Variants in TBK1 observed in about 807,000 individuals in gnomAD.
The protein encoded by TBK1 is TANK binding kinase 1, also known as serine/threonine-protein kinase TBK1.
Under a neutral mutation model 99.9 loss-of-function variants are expected in TBK1, and 37 were observed. The observed-to-expected ratio is 0.37, with a 90% CI of 0.28 to 0.49. The LOEUF is 0.49. Among genes scored for constraint, TBK1 ranks in the 20% least tolerant of loss-of-function variants. The pLI is 0.98. For synonymous variants in TBK1, 258 were observed against 279.8 expected (o/e 0.92, Z 0.78); for missense variants, 644 against 872.5 (o/e 0.74, Z 3.30).
intron 3 of TBK1, among the ~76,000 whole-genome samples, chr12:64,461,747 G>A (rs755524316): frequency 6.6e-6 from 1 of 152,172 alleles, no homozygotes; most frequent in Non-Finnish European, 1.5e-5. Flanking sequence ...TACAAATGTG[G>A]GGGTTGCCCA....
In TBK1 at chr12:64,455,841, A is replaced by AT; in HGVS notation, c.-29dup. On this transcript the variant is annotated splice_region_variant and 5_prime_UTR_variant, in exon 2 of 21. Transcript: ENST00000331710. ...TTGCAAATTTTTTTTTTCTCTTAGT[A>AT]TAACAAGAGGATTGCCTGATCCAGC... 1 of 1,571,078 alleles carries AT rather than the reference A, an allele frequency of 6.4e-7. No homozygotes were observed. Among genetic ancestry groups the AT allele is most frequent in the South Asian group, 1.2e-5 (1 of 85,324 alleles).
chr12:64,481,252 C>T (rs1392788829), intron 7 of TBK1, among the ~76,000 whole-genome samples: 1 of 151,882 alleles, frequency 6.6e-6, no homozygotes, highest in Non-Finnish European at 1.5e-5. Context: ...ATTATATTGC[C>T]AAAACTCAGA....
chr12:64,495,663 T>C, intron 14 of TBK1, 36 bp from the exon 15 acceptor site: 1 of 1,612,474 alleles, frequency 6.2e-7, no homozygotes, highest in Non-Finnish European at 8.5e-7. Context: ...TCACATTGAC[T>C]CAGTTAATTT....
intron 13 of TBK1, among the ~76,000 whole-genome samples, chr12:64,493,946 T>C (rs1165615920): frequency 6.6e-6 from 1 of 152,260 alleles, no homozygotes; most frequent in Non-Finnish European, 1.5e-5. Context: ...AACACCATTT[T>C]CTTAATGATA....
In TBK1 at chr12:64,498,177, A is replaced by T. The variant is rs542730018; in HGVS notation, c.2138+138A>T. 54 of 684,468 alleles carry T rather than the reference A, an allele frequency of 7.9e-5. No individual in the cohort carries two copies. In the East Asian group the frequency reaches 1.4e-3, roughly 18 times the overall value. The allele number at this position is 684,468 out of a possible 1,614,324, so 42.4% of individuals were successfully genotyped here. A position where few individuals can be genotyped will look rare whatever the true frequency, so the allele number is the denominator to read the frequency against. On this transcript the variant is annotated intron_variant, in intron 20 of 20. Transcript: ENST00000331710. ...CAGAACTCATGTTTTTCTCTCTATG[A>T]TTGTGTATCTGTGATGCCTTTTAAT... is the stretch of plus-strand genomic sequence containing the variant.
chr12:64,477,318 G>C (rs1340334508), intron 6 of TBK1, among the ~76,000 whole-genome samples: 1 of 152,124 alleles, frequency 6.6e-6, no homozygotes, highest in East Asian at 1.9e-4. Context: ...TTTTCCATTT[G>C]TTGTGTCATT....
chr12:64,466,373 T>G (rs1309039190), intron 4 of TBK1, among the ~76,000 whole-genome samples: 1 of 152,164 alleles, frequency 6.6e-6, no homozygotes, highest in Admixed American at 6.5e-5. Flanking sequence ...AAATGGGCTT[T>G]TTGGAATAGT....
intron 15 of TBK1, 132 bp downstream of exon 15, chr12:64,495,907 G>T: frequency 1.8e-6 from 1 of 558,672 alleles, no homozygotes; most frequent in Non-Finnish European, 2.9e-6. Context: ...GATTCTGTCA[G>T]GAAAAAGGTT....
At chr12:64,469,921 G>A (rs1404148167) in intron 5 of TBK1, among the ~76,000 whole-genome samples, 1 of 152,086 alleles carries the variant, frequency 6.6e-6, no homozygotes, top group Non-Finnish European at 1.5e-5. Flanking sequence ...TGAATGCTCA[G>A]GACACTACTG....
chr12:64,495,897 G>T, intron 15 of TBK1, 122 bp downstream of exon 15: 5 of 562,098 alleles, frequency 8.9e-6, no homozygotes, highest in Non-Finnish European at 1.1e-5. Flanking sequence ...TCAGAGATGT[G>T]ATTCTGTCAG....
In TBK1 at chr12:64,467,043, T is replaced by G. The variant is rs1342379769; in HGVS notation, c.501T>G (p.Asp167Glu). ...DFGAARELED[D>E]EQFVSLYGTE... Reference sequence around the variant, plus strand: ...GTGCAGCTAGAGAATTAGAAGATGATGAGCAGTTTGTTTCTCTGTATGGCA... The same window carrying G: ...GTGCAGCTAGAGAATTAGAAGATGAGGAGCAGTTTGTTTCTCTGTATGGCA... The change falls in exon 5 of 21, where the codon GAT becomes GAG. Residue 167 changes from aspartate (D) to glutamate (E), a missense_variant. By Grantham distance (45) the Asp-to-Glu change is conservative. Coordinates refer to ENST00000331710, the MANE Select transcript of TBK1 (RefSeq NM_013254.4). The G allele has an allele frequency of 6.2e-7, 1 of 1,609,792 alleles. No individual in the cohort carries two copies. The highest frequency in any genetic ancestry group is 8.5e-7 in the Non-Finnish European group (1 of 1,178,022).
Position 64,455,969 on chromosome 12 carries a change from G to A in TBK1, c.87+12G>A, listed in dbSNP as rs774404777. The A allele has an allele frequency of 5.7e-6, 9 of 1,591,312 alleles. No homozygotes were observed. Among genetic ancestry groups the A allele is most frequent in the Non-Finnish European group, 7.7e-6 (9 of 1,168,300 alleles). On this transcript the variant is annotated intron_variant, in intron 2 of 20. Coordinates refer to ENST00000331710, the MANE Select transcript of TBK1 (RefSeq NM_013254.4). ...GTGGAAGACATAAGGTTAGTACAGA[G>A]AAAACTTTGAAGACCTTTTATCACT...
chr12:64,455,050 C>G (rs1486544370), intron 1 of TBK1, among the ~76,000 whole-genome samples: 1 of 145,304 alleles, frequency 6.9e-6, no homozygotes, highest in Non-Finnish European at 1.5e-5. Context: ...TAGGGTGGCA[C>G]GATTTCAGCT....
intron 18 of TBK1, 48 bp downstream of exon 18, chr12:64,497,307 C>CCTG: frequency 7.6e-7 from 1 of 1,316,386 alleles, no homozygotes; most frequent in Non-Finnish European, 1.0e-6. Context: ...CAGTTTATAA[C>CCTG]TGATAGTGAT....
chr12:64,473,576 A>G (rs537505242), intron 5 of TBK1, among the ~76,000 whole-genome samples: 66 of 152,336 alleles, frequency 4.3e-4, no homozygotes, highest in African/African-American at 1.3e-3. Context: ...CACAGATGGA[A>G]AAGTTGGCCA....
intron 13 of TBK1, among the ~76,000 whole-genome samples, chr12:64,492,738 T>C (rs1243856660): frequency 1.3e-5 from 2 of 152,004 alleles, no homozygotes; most frequent in South Asian, 4.2e-4. Flanking sequence ...TTTCTTTTTT[T>C]TTTGAGATGG....
intron 8 of TBK1, among the ~76,000 whole-genome samples, chr12:64,483,438 A>G (rs1023023801): frequency 6.6e-6 from 1 of 152,242 alleles, no homozygotes; most frequent in Non-Finnish European, 1.5e-5. Flanking sequence ...CATTTTGAAA[A>G]TACCTAGTTT....
At chr12:64,483,404 A>T (rs2040787205) in intron 8 of TBK1, among the ~76,000 whole-genome samples, 1 of 152,224 alleles carries the variant, frequency 6.6e-6, no homozygotes, top group Admixed American at 6.5e-5. Flanking sequence ...ATTCATGGGG[A>T]AGCTGTCTTT....
Position 64,497,982 on chromosome 12 carries a change from A to G in TBK1, c.2081A>G (p.Lys694Arg). 1 of 1,606,092 alleles carries G rather than the reference A, an allele frequency of 6.2e-7. No homozygotes were observed. The highest frequency in any genetic ancestry group is 8.5e-7 in the Non-Finnish European group (1 of 1,178,056). Residue 694 changes from lysine (K) to arginine (R), a missense_variant, in exon 20 of 21, where the codon AAG (lysine) becomes AGG (arginine). Lys to Arg is a conservative substitution (Grantham distance 26, BLOSUM62 2). This residue lies in a region of TBK1 where 465 missense variants were observed against 588.0 expected (regional missense o/e 0.79). Transcript: ENST00000331710. ...TATTTTATTAGTATGAAGAAATTAA[A>G]GGAAGAGATGGAAGGGGTGGTTAAA... ...VEMTLGMKKL[K>R]EEMEGVVKEL... is the part of the protein sequence containing the mutation.
Sources: allele counts gnomAD v4.1 joint callset (sites outside exome capture counted in the v4.1 genomes callset), GRCh38; gene constraint gnomAD v4.1.1; regional missense constraint gnomAD v4.1.1; transcripts MANE v1.5; gene names NCBI Gene and HGNC (gene_info 2026-07-23, HGNC 2026-07-21).